Variants in ACSL3 observed in about 807,000 individuals in gnomAD.
ACSL3 encodes fatty acid CoA ligase Acsl3.
Under a neutral mutation model 84.7 loss-of-function variants are expected in ACSL3, and 34 were observed. That is an observed-to-expected ratio of 0.40 (90% CI 0.31 to 0.53). ACSL3 has a LOEUF of 0.53. Ranked by LOEUF, ACSL3 falls within the 20% of genes least tolerant of loss-of-function variation. ACSL3 has a pLI of 0.48. For synonymous variants in ACSL3, 315 were observed against 299.4 expected (o/e 1.05, Z -0.54); for missense variants, 680 against 873.1 (o/e 0.78, Z 2.79).
At chr2:222,923,630 G>T (rs1450957780) in intron 10 of ACSL3, among the ~76,000 whole-genome samples, 1 of 152,122 alleles carries the variant, frequency 6.6e-6, no homozygotes, top group Admixed American at 6.5e-5. Context: ...TAATATAGGG[G>T]CCTGGGAATA....
At chr2:222,898,577 CA>C (rs1277839645) in intron 2 of ACSL3, among the ~76,000 whole-genome samples, 5 of 152,166 alleles carry the variant, frequency 3.3e-5, no homozygotes, top group Non-Finnish European at 4.4e-5. Flanking sequence ...AGAAACATTG[CA>C]CTTTGGGAGG....
intron 14 of ACSL3, among the ~76,000 whole-genome samples, chr2:222,932,220 A>T (rs1165201520): frequency 6.6e-6 from 1 of 152,230 alleles, no homozygotes; most frequent in Non-Finnish European, 1.5e-5. Context: ...GATGGCATTG[A>T]ATATCTTCTT....
chr2:222,861,200 G>A lies in ACSL3; in HGVS notation c.-265G>A, dbSNP rs1694993525. 6.6e-6 allele frequency: 1 copy of A among 152,266 alleles called. No individual in the cohort carries two copies. 9.4% of individuals were successfully genotyped at this position (152,266 alleles called of 1,614,324 possible). ...CGGCGGCGCGGGGCGTGAACGCTCT[G>A]GGGCTCAGCCAGGCCTGCGCGGGCC... is the stretch of plus-strand genomic sequence containing the variant. On this transcript the variant is annotated 5_prime_UTR_variant, in exon 1 of 17. Coordinates refer to ENST00000357430, the MANE Select transcript of ACSL3 (RefSeq NM_004457.5).
chr2:222,937,482 C>T (rs1697204563), intron 16 of ACSL3, among the ~76,000 whole-genome samples: 1 of 152,044 alleles, frequency 6.6e-6, no homozygotes, highest in South Asian at 2.1e-4. Context: ...TATTTAGAAA[C>T]ACTCAAGTTA....
intron 1 of ACSL3, among the ~76,000 whole-genome samples, chr2:222,863,360 G>A (rs747020381): frequency 7.2e-5 from 11 of 152,222 alleles, no homozygotes; most frequent in Non-Finnish European, 1.6e-4. Flanking sequence ...CATAATGCAA[G>A]AGTTTGGGAA....
chr2:222,901,789 A>G (rs1305418948), intron 3 of ACSL3, among the ~76,000 whole-genome samples: 1 of 152,040 alleles, frequency 6.6e-6, no homozygotes, highest in Non-Finnish European at 1.5e-5. Flanking sequence ...TACTAAAAAT[A>G]CAAAAATTAG....
At chr2:222,868,002 A>G (rs1695200333) in intron 1 of ACSL3, among the ~76,000 whole-genome samples, 1 of 151,466 alleles carries the variant, frequency 6.6e-6, no homozygotes, top group South Asian at 2.1e-4. Context: ...TTAAATAAAA[A>G]TATCTTAAAA....
In ACSL3 at chr2:222,916,355, G is replaced by A; in HGVS notation, c.415G>A (p.Asp139Asn). Residue 139 changes from aspartate to asparagine, a missense_variant, in exon 5 of 17, where the codon GAT (aspartate) becomes AAT (asparagine). This residue lies in a region of ACSL3 where 333 missense variants were observed against 347.5 expected (regional missense o/e 0.96). Transcript: ENST00000357430. ...LGQYNWLSYEDVFVRAFNFGN... is the reference protein window; with the variant it reads ...LGQYNWLSYENVFVRAFNFGN... ...ACAGTATAATTGGCTTTCCTATGAAGATGTCTTTGTTCGAGCCTTTAATTT... is the reference window on the plus strand; with the variant it reads ...ACAGTATAATTGGCTTTCCTATGAAAATGTCTTTGTTCGAGCCTTTAATTT... The A allele has an allele frequency of 6.2e-7, 1 of 1,613,580 alleles. No homozygotes were observed. Among genetic ancestry groups the A allele is most frequent in the Non-Finnish European group, 8.5e-7 (1 of 1,179,740 alleles).
intron 4 of ACSL3, 57 bp downstream of exon 4, chr2:222,909,207 T>A: frequency 6.5e-7 from 1 of 1,529,232 alleles, no homozygotes; most frequent in South Asian, 1.2e-5. Context: ...CTGTTAGAAA[T>A]GAAGTAAAGG....
chr2:222,914,222 G>A (rs1430563816), intron 4 of ACSL3, among the ~76,000 whole-genome samples: 1 of 145,108 alleles, frequency 6.9e-6, no homozygotes, highest in African/African-American at 2.6e-5. Flanking sequence ...AAGGGTGGAA[G>A]GTGTGTGTGT....
Position 222,943,084 on chromosome 2 carries a change from TCAAA to T in ACSL3, c.*1431_*1434del, listed in dbSNP as rs966094437. ...TACTGTAGGCATCAAAAGGCAAAAA[TCAAA>T]AAAAAAAAAAACAAAAACAAAAAAA... On this transcript the variant is annotated 3_prime_UTR_variant, in exon 17 of 17. Coordinates refer to ENST00000357430, the MANE Select transcript of ACSL3 (RefSeq NM_004457.5). 4.0e-4 allele frequency: 31 copies of T among 77,360 alleles called. No homozygotes were observed. Among genetic ancestry groups the T allele is most frequent in the African/African-American group, 3.7e-3 (28 of 7,538 alleles). The allele number at this position is 77,360 out of a possible 1,614,324, so 4.8% of individuals were successfully genotyped here. A position where few individuals can be genotyped will look rare whatever the true frequency, so the allele number is the denominator to read the frequency against.
At chr2:222,903,070 C>T (rs1053368476) in intron 3 of ACSL3, among the ~76,000 whole-genome samples, 2 of 151,996 alleles carry the variant, frequency 1.3e-5, no homozygotes, top group Non-Finnish European at 2.9e-5. Flanking sequence ...TAGGAAATTA[C>T]AGCCTAGTAG....
rs145109510 is a variant in ACSL3 at position 222,885,325 on chromosome 2, T to C, written c.-206-2505T>C. ...AAATTGCTCTCTTAACTGGCTGTAC[T>C]TCCGTAAGAGTGCCAAGATCTATCT... On this transcript the variant is annotated intron_variant, in intron 1 of 16. Transcript: ENST00000357430. 4.0e-3 allele frequency among the ~76,000 whole-genome samples: 603 copies of C among 152,334 alleles called. 6 individuals carry two copies. Among genetic ancestry groups the C allele is most frequent in the African/African-American group, 0.011 (469 of 41,574 alleles).
Position 222,909,012 on chromosome 2 carries a change from A to G in ACSL3, c.240A>G (p.Val80=), listed in dbSNP as rs758775741. ...ATAGTTTGGATGGTTTGGCTTCAGTATTATACCCTGGATGTGATACTTTAG... is the reference window on the plus strand; with the variant it reads ...ATAGTTTGGATGGTTTGGCTTCAGTGTTATACCCTGGATGTGATACTTTAG... ...SVNSLDGLAS[V]LYPGCDTLDK... The change falls in exon 4 of 17, where the codon GTA becomes GTG. Residue 80 remains valine, a synonymous_variant. Transcript: ENST00000357430. 27 of 1,613,668 alleles carry G rather than the reference A, an allele frequency of 1.7e-5. No homozygotes were observed. Among genetic ancestry groups the G allele is most frequent in the African/African-American group, 2.7e-5 (2 of 74,900 alleles).
At chr2:222,878,257 A>T (rs1337979128) in intron 1 of ACSL3, among the ~76,000 whole-genome samples, 1 of 152,216 alleles carries the variant, frequency 6.6e-6, no homozygotes, top group Non-Finnish European at 1.5e-5. Context: ...GTATATACTT[A>T]TTAATGGAAG....
chr2:222,863,024 G>T (rs1559271442), intron 1 of ACSL3, among the ~76,000 whole-genome samples: 1 of 152,168 alleles, frequency 6.6e-6, no homozygotes. Flanking sequence ...CTGCTGTTTG[G>T]TTCCAGTTAA....
At chr2:222,866,927 C>T (rs974074878) in intron 1 of ACSL3, among the ~76,000 whole-genome samples, 4 of 151,446 alleles carry the variant, frequency 2.6e-5, no homozygotes, top group African/African-American at 7.3e-5. Flanking sequence ...CTCCGCCTCC[C>T]GGGTTCAAGC....
At chr2:222,889,035 A>G (rs572856217) in intron 2 of ACSL3, among the ~76,000 whole-genome samples, 1 of 152,342 alleles carries the variant, frequency 6.6e-6, no homozygotes, top group South Asian at 2.1e-4. Context: ...CAAACTTTGA[A>G]TTCTTAGCTA....
intron 15 of ACSL3, 177 bp downstream of exon 15, chr2:222,933,457 C>G (rs941852916): frequency 3.9e-6 from 2 of 508,192 alleles, no homozygotes; most frequent in African/African-American, 3.9e-5. Context: ...GTAAGGCTTC[C>G]CCTGATCTTT....
Sources: allele counts gnomAD v4.1 joint callset (sites outside exome capture counted in the v4.1 genomes callset), GRCh38; gene constraint gnomAD v4.1.1; regional missense constraint gnomAD v4.1.1; transcripts MANE v1.5; gene names NCBI Gene and HGNC (gene_info 2026-07-23, HGNC 2026-07-21).